DRC11: variants seen among roughly 807,000 people sequenced by gnomAD.
DRC11 encodes IQ and AAA domain-containing protein 1.
At chr2:236,444,229 A>G in the DRC11 span, among the ~76,000 whole-genome samples, 2 of 152,148 alleles carry the variant, frequency 1.3e-5, 1 homozygote, top group East Asian at 3.8e-4. Context: ...TTTTGTTGCA[A>G]TCGCCTTTGG....
chr2:236,347,508 C>CTCTATATA, the DRC11 span, among the ~76,000 whole-genome samples: 9 of 107,490 alleles, frequency 8.4e-5, 1 homozygote, highest in South Asian at 8.6e-4. Context: ...AAAAACTGTG[C>CTCTATATA]TATATATATA....
chr2:236,356,656 AAG>A, the DRC11 span, among the ~76,000 whole-genome samples: 1 of 151,826 alleles, frequency 6.6e-6, no homozygotes, highest in Non-Finnish European at 1.5e-5. Context: ...ATGCAATTAA[AAG>A]AGAAAATATG....
chr2:236,455,452 G>C, the DRC11 span, among the ~76,000 whole-genome samples: 2 of 152,242 alleles, frequency 1.3e-5, no homozygotes, highest in African/African-American at 4.8e-5. This position sits in a 1 kb window ranked among gnomAD's most constrained non-coding sequence, Gnocchi z 5.7. Flanking sequence ...GTCGTGACTA[G>C]TGATGGGAGG....
the DRC11 span, among the ~76,000 whole-genome samples, chr2:236,485,829 G>T: frequency 6.6e-6 from 1 of 152,168 alleles, no homozygotes; most frequent in African/African-American, 2.4e-5. Context: ...AGGGGCTCGG[G>T]CAGAGGAGTC....
the DRC11 span, among the ~76,000 whole-genome samples, chr2:236,473,018 C>T: frequency 3.3e-5 from 5 of 152,082 alleles, no homozygotes; most frequent in African/African-American, 9.7e-5. The surrounding 1 kb of genome is among the most constrained non-coding windows in gnomAD (Gnocchi z 4.8). Context: ...AAAAGTGTAA[C>T]AAAACAAAAC....
the DRC11 span, among the ~76,000 whole-genome samples, chr2:236,375,871 CT>C: frequency 6.6e-6 from 1 of 152,360 alleles, no homozygotes; most frequent in South Asian, 2.1e-4. The surrounding 1 kb of genome is among the most constrained non-coding windows in gnomAD (Gnocchi z 4.2). Flanking sequence ...AAAATCTCCA[CT>C]TTTACAACTG....
the DRC11 span, among the ~76,000 whole-genome samples, chr2:236,490,902 T>TTG: frequency 1.5e-3 from 216 of 148,190 alleles, 5 homozygotes; most frequent in East Asian, 0.026. This position sits in a 1 kb window ranked among gnomAD's most constrained non-coding sequence, Gnocchi z 5.5. Context: ...GAAGAATATA[T>TTG]TGTGTGTGTG....
the DRC11 span, among the ~76,000 whole-genome samples, chr2:236,418,227 C>T: frequency 6.6e-6 from 1 of 152,292 alleles, no homozygotes; most frequent in South Asian, 2.1e-4. Context: ...CACAGCCTTG[C>T]CAGCTTCTGT....
At chr2:236,464,639 T>C in the DRC11 span, among the ~76,000 whole-genome samples, 1 of 152,180 alleles carries the variant, frequency 6.6e-6, no homozygotes, top group Non-Finnish European at 1.5e-5. Flanking sequence ...ACTACCTATC[T>C]ACCCATCTGA....
At chr2:236,338,445 A>G in the DRC11 span, 1 of 1,467,056 alleles carries the variant, frequency 6.8e-7, no homozygotes, top group Non-Finnish European at 9.3e-7. Flanking sequence ...ATGAAAGAAA[A>G]TTTACTTAGG....
chr2:236,389,517 C>T, the DRC11 span, among the ~76,000 whole-genome samples: 22 of 152,202 alleles, frequency 1.4e-4, no homozygotes, highest in Non-Finnish European at 2.9e-4. Context: ...CGCCCTGCTT[C>T]GGCTCGCGAC....
the DRC11 span, among the ~76,000 whole-genome samples, chr2:236,505,431 G>A: frequency 6.6e-6 from 1 of 151,924 alleles, no homozygotes; most frequent in African/African-American, 2.4e-5. Flanking sequence ...CTTGCTCTAC[G>A]GAAGGCCTGT....
the DRC11 span, among the ~76,000 whole-genome samples, chr2:236,431,720 A>G: frequency 1.3e-5 from 2 of 152,212 alleles, no homozygotes; most frequent in Admixed American, 1.3e-4. This position sits in a 1 kb window ranked among gnomAD's most constrained non-coding sequence, Gnocchi z 4.2. Context: ...AGTATGGCAT[A>G]ACACTTTAAG....
At chr2:236,438,966 C>T in the DRC11 span, among the ~76,000 whole-genome samples, 1 of 149,060 alleles carries the variant, frequency 6.7e-6, no homozygotes, top group African/African-American at 2.5e-5. Context: ...TCCTGAATGA[C>T]TACTGGGTAC....
the DRC11 span, among the ~76,000 whole-genome samples, chr2:236,452,409 T>C: frequency 6.6e-6 from 1 of 151,768 alleles, no homozygotes; most frequent in Non-Finnish European, 1.5e-5. This position sits in a 1 kb window ranked among gnomAD's most constrained non-coding sequence, Gnocchi z 4.7. Context: ...GATGGAGGGG[T>C]TTCCAGCCGG....
the DRC11 span, among the ~76,000 whole-genome samples, chr2:236,505,175 T>C: frequency 6.6e-6 from 1 of 152,244 alleles, no homozygotes; most frequent in South Asian, 2.1e-4. Context: ...GGCTTGTGGA[T>C]GAAGACTGAA....
the DRC11 span, among the ~76,000 whole-genome samples, chr2:236,378,697 G>C: frequency 1.3e-5 from 2 of 149,840 alleles, no homozygotes; most frequent in Non-Finnish European, 1.5e-5. Flanking sequence ...AAAAAAGCTA[G>C]AAGACACCGT....
At chr2:236,323,049 A>G in the DRC11 span, among the ~76,000 whole-genome samples, 1 of 152,234 alleles carries the variant, frequency 6.6e-6, no homozygotes, top group African/African-American at 2.4e-5. The surrounding 1 kb of genome is among the most constrained non-coding windows in gnomAD (Gnocchi z 6.4). Context: ...GTTCTGAAAA[A>G]GTGTACTTGT....
At chr2:236,407,078 C>T in the DRC11 span, among the ~76,000 whole-genome samples, 4 of 152,160 alleles carry the variant, frequency 2.6e-5, no homozygotes, top group Admixed American at 2.0e-4. Context: ...GCATTTAGCT[C>T]GTCATTTTAC....
Sources: allele counts gnomAD v4.1 joint callset (sites outside exome capture counted in the v4.1 genomes callset), GRCh38; gene constraint gnomAD v4.1.1; non-coding constraint Gnocchi (gnomAD v3.1); transcripts MANE v1.5; gene names NCBI Gene and HGNC (gene_info 2026-07-23, HGNC 2026-07-21).